Variants in MEAF6 observed in about 807,000 individuals in gnomAD.
The protein encoded by MEAF6 is chromatin modification-related protein MEAF6.
A neutral mutation model predicts 28.9 loss-of-function variants in MEAF6; 15 were observed. That is an observed-to-expected ratio of 0.52 (90% CI 0.35 to 0.80). The LOEUF is 0.80. Ranked by LOEUF, MEAF6 falls within the 30% of genes least tolerant of loss-of-function variation. The pLI, the probability that MEAF6 is intolerant of heterozygous loss-of-function variation, is 0.01. For synonymous variants in MEAF6, 97 were observed against 88.7 expected (o/e 1.09, Z -0.53); for missense variants, 178 against 237.5 (o/e 0.75, Z 1.65).
At chr1:37,496,652 A>G (rs377268379) in intron 5 of MEAF6, 3 of 1,551,010 alleles carry the variant, frequency 1.9e-6, no homozygotes, top group Middle Eastern at 1.7e-4. Flanking sequence ...TCAAAAAGGC[A>G]TACTGGTGTC....
chr1:37,495,539 A>T (rs1190648734), intron 6 of MEAF6, among the ~76,000 whole-genome samples: 3 of 151,272 alleles, frequency 2.0e-5, no homozygotes, highest in Non-Finnish European at 4.4e-5. Context: ...ATCTACAAAA[A>T]ATACAAAAAT....
chr1:37,493,656 G>T lies in MEAF6; in HGVS notation c.*443C>A. The stretch of plus-strand genomic sequence containing the variant: ...GATAAAAACAACAAGAGAAAAACAA[G>T]AAAACATAAAACAATATAAGAAAAT... On this transcript the variant is annotated 3_prime_UTR_variant, in exon 7 of 7. Coordinates refer to ENST00000296214, the MANE Select transcript of MEAF6 (RefSeq NM_001270875.3). 1 of 909,670 alleles carries T rather than the reference G, an allele frequency of 1.1e-6. No homozygotes were observed. The highest frequency in any genetic ancestry group is 1.7e-6 in the Non-Finnish European group (1 of 588,164). 56.3% of individuals were successfully genotyped at this position (909,670 alleles called of 1,614,324 possible).
chr1:37,497,132 T>A (rs1307729778), intron 5 of MEAF6, among the ~76,000 whole-genome samples: 1 of 152,178 alleles, frequency 6.6e-6, no homozygotes, highest in African/African-American at 2.4e-5. Flanking sequence ...TGCTAACAAC[T>A]CAGCATAATA....
chr1:37,495,333 AAAAT>A (rs199695721), intron 6 of MEAF6, among the ~76,000 whole-genome samples: 41,032 of 138,302 alleles, frequency 0.3, 6,363 homozygotes, highest in Non-Finnish European at 0.36. Flanking sequence ...TCCGTCTCAA[AAAAT>A]AAATAAATAA....
rs376518410 is a variant in MEAF6 at position 37,502,014 on chromosome 1, C to T, written c.341-18G>A. ...TGGCTCCCCTGAAGGAAATAAAACA[C>T]AAGTTTCCAAATGCATCATCAGTAC... On this transcript the variant is annotated intron_variant, in intron 4 of 6. Transcript: ENST00000296214. 80 of 1,581,824 alleles carry T rather than the reference C, an allele frequency of 5.1e-5. No individual in the cohort carries two copies. The highest frequency in any genetic ancestry group is 6.2e-5 in the Non-Finnish European group (72 of 1,157,426).
At chr1:37,506,933 T>TACC (rs1313572289) in intron 4 of MEAF6, among the ~76,000 whole-genome samples, 1 of 152,242 alleles carries the variant, frequency 6.6e-6, no homozygotes, top group Non-Finnish European at 1.5e-5. Flanking sequence ...CCCTGACAAG[T>TACC]ACCTGGGTGC....
intron 4 of MEAF6, among the ~76,000 whole-genome samples, chr1:37,502,414 T>C (rs766394543): frequency 1.3e-5 from 2 of 152,088 alleles, no homozygotes; most frequent in Non-Finnish European, 1.5e-5. Context: ...CAAGTTGTTA[T>C]TGAGTTTGCT....
Position 37,495,898 on chromosome 1 carries a change from T to C in MEAF6, c.554A>G (p.Lys185Arg). 4 of 1,614,102 alleles carry C rather than the reference T, an allele frequency of 2.5e-6. No homozygotes were observed. The highest frequency in any genetic ancestry group is 3.4e-6 in the Non-Finnish European group (4 of 1,180,008). Residue 185 changes from lysine to arginine, a missense_variant, in exon 6 of 7, where the codon AAA (lysine) becomes AGA (arginine). By Grantham distance (26) the Lys-to-Arg change is conservative. Coordinates refer to ENST00000296214, the MANE Select transcript of MEAF6 (RefSeq NM_001270875.3). ...GCTGATACTTACAGCTCGTGGTTTT[T>C]TGTTTAACTTCAGATCAATCCTGTG... ...NRHRIDLKLN[K>R]KPRADY
chr1:37,493,902 T>C lies in MEAF6; in HGVS notation c.*197A>G, dbSNP rs1569947365. ...TGCAGTTCTGTTACTAAAAATGACA[T>C]AAAGTAAGACCCAATGTCTTACAGA... On this transcript the variant is annotated 3_prime_UTR_variant, in exon 7 of 7. Transcript: ENST00000296214. The C allele has an allele frequency of 1.9e-6, 3 of 1,586,190 alleles. No homozygotes were observed. The highest frequency in any genetic ancestry group is 3.9e-5 in the Admixed American group (2 of 51,774).
At chr1:37,502,270 CT>C (rs1428879172) in intron 4 of MEAF6, among the ~76,000 whole-genome samples, 1 of 152,204 alleles carries the variant, frequency 6.6e-6, no homozygotes, top group African/African-American at 2.4e-5. Flanking sequence ...AGATGAGAGT[CT>C]GGCTGTGTTG....
In MEAF6 at chr1:37,490,410, A is replaced by C. The variant is rs1641889905; in HGVS notation, c.*3689T>G. ...TTCACTATCATTGTATCTGACACAC[A>C]CATCACCTTCCTAGGCACTATGACA... is the stretch of plus-strand genomic sequence containing the variant. On this transcript the variant is annotated 3_prime_UTR_variant, in exon 7 of 7. Transcript: ENST00000296214. 6.6e-6 allele frequency among the ~76,000 whole-genome samples: 1 copy of C among 152,156 alleles called. No homozygotes were observed. The highest frequency in any genetic ancestry group is 1.5e-5 in the Non-Finnish European group (1 of 68,022).
intron 5 of MEAF6, among the ~76,000 whole-genome samples, chr1:37,498,434 TTATTATTATTAC>T (rs1259374500): frequency 2.7e-5 from 4 of 147,774 alleles, no homozygotes; most frequent in Admixed American, 2.7e-4. Flanking sequence ...ATTATTATTA[TTATTATTATTAC>T]TATTACTGAG....
At chr1:37,506,055 G>C (rs558207959) in intron 4 of MEAF6, among the ~76,000 whole-genome samples, 2 of 152,162 alleles carry the variant, frequency 1.3e-5, no homozygotes, top group East Asian at 1.9e-4. Flanking sequence ...GGCGGATCAC[G>C]AGGTCAGGAG....
intron 6 of MEAF6, among the ~76,000 whole-genome samples, chr1:37,494,745 G>A (rs1233441316): frequency 1.3e-5 from 2 of 148,152 alleles, no homozygotes; most frequent in African/African-American, 2.5e-5. Context: ...GTGGGAGGAC[G>A]GCTTGAGCCT....
At chr1:37,494,137 T>TA in intron 6 of MEAF6, 30 bp from the exon 7 acceptor site, 1 of 1,592,836 alleles carries the variant, frequency 6.3e-7, no homozygotes, top group Non-Finnish European at 8.6e-7. Context: ...AGTCCCAACT[T>TA]ACTCTCGGCA....
rs577291632 is a variant in MEAF6, at chr1:37,508,274, CTTTTTTTTTTT to C, written c.340+993_340+1003del. On this transcript the variant is annotated intron_variant, in intron 4 of 6. Coordinates refer to ENST00000296214, the MANE Select transcript of MEAF6 (RefSeq NM_001270875.3). ...CATCCTATTTACAGGATGAGCATTT[CTTTTTTTTTTT>C]TTTTTTTTTTTTTTTGGCATGGTCT... is the stretch of plus-strand genomic sequence containing the variant. 6.5e-3 allele frequency among the ~76,000 whole-genome samples: 548 copies of C among 83,898 alleles called. 2 individuals are homozygous for C. Among genetic ancestry groups the C allele is most frequent in the African/African-American group, 0.022 (489 of 22,694 alleles). 55.0% of individuals were successfully genotyped at this position (83,898 alleles called of 152,430 possible).
At chr1:37,514,506 A>G (rs1642775481) in intron 1 of MEAF6, 151 bp downstream of exon 1, 1 of 432,978 alleles carries the variant, frequency 2.3e-6, no homozygotes, top group African/African-American at 2.1e-5. Flanking sequence ...GGCGGGCCGC[A>G]GAATGCGCAC....
chr1:37,504,800 TACACACACACACAC>T (rs143477333), intron 4 of MEAF6, among the ~76,000 whole-genome samples: 1 of 135,120 alleles, frequency 7.4e-6, no homozygotes, highest in Non-Finnish European at 1.5e-5. Flanking sequence ...AAAATTTATA[TACACACACACACAC>T]ACACACACAC....
In MEAF6 at chr1:37,509,438, C is replaced by G. The variant is rs184231572; in HGVS notation, c.294+17G>C. The G allele has an allele frequency of 2.5e-6, 4 of 1,612,684 alleles. No homozygotes were observed. The African/African-American group carries it at 4.0e-5, about 16-fold the overall frequency. On this transcript the variant is annotated intron_variant, in intron 3 of 6. Coordinates refer to ENST00000296214, the MANE Select transcript of MEAF6 (RefSeq NM_001270875.3). ...AACAACAGGCCAAAGAAAGATTCCC[C>G]CACCACCACTACTTACAGCTGCTGA...
Sources: gnomAD v4.1 joint callset for allele counts (sites outside exome capture counted in the v4.1 genomes callset) on GRCh38, gnomAD v4.1.1 for gene constraint, MANE v1.5 for transcripts, NCBI Gene and HGNC (gene_info 2026-07-23, HGNC 2026-07-21) for gene names.